FAM168A: variants seen among roughly 807,000 people sequenced by gnomAD.
FAM168A encodes protein FAM168A.
In FAM168A, 3 loss-of-function variants were observed where a neutral mutation model predicts 28.5. The observed-to-expected ratio is 0.11, with a 90% CI of 0.05 to 0.27. The LOEUF (loss-of-function observed/expected upper bound fraction) is 0.27, where lower values mean the gene tolerates loss of function less well. FAM168A is among the 10% of genes least tolerant of loss of function. The pLI is 1.00. For synonymous variants in FAM168A, 122 were observed against 124.2 expected, an observed-to-expected ratio of 0.98 and a Z score of 0.12; for missense variants, 222 against 311.5, an observed-to-expected ratio of 0.71 and a Z score of 2.16.
intron 3 of FAM168A, among the ~76,000 whole-genome samples, chr11:73,427,238 G>A (rs1044926106): frequency 2.0e-5 from 3 of 151,840 alleles, no homozygotes; most frequent in Admixed American, 2.0e-4. Context: ...TGATCCACCC[G>A]CCTCGGCCTC....
intron 1 of FAM168A, among the ~76,000 whole-genome samples, chr11:73,561,202 C>T (rs1317255987): frequency 1.3e-5 from 2 of 151,660 alleles, no homozygotes; most frequent in East Asian, 1.9e-4. Context: ...TGGAGAAATC[C>T]GTTTCTACTA....
rs112583556 is a variant in FAM168A at position 73,517,389 on chromosome 11, AC to A, written c.-18-48898del. Among the ~76,000 whole-genome samples the A allele has an allele frequency of 1.7e-4, 26 of 149,802 alleles. 1 individual carries two copies. Among genetic ancestry groups the A allele is most frequent in the African/African-American group, 6.2e-4 (25 of 40,624 alleles). ...AATCATCTCCCCCATCCCAATTTCC[AC>A]CCCCCTTCCCCTCATGCAGCTAGTC... is the stretch of plus-strand genomic sequence containing the variant. On this transcript the variant is annotated intron_variant, in intron 1 of 7. Coordinates refer to ENST00000356467, the MANE Select transcript of FAM168A (RefSeq NM_015159.3).
intron 1 of FAM168A, among the ~76,000 whole-genome samples, chr11:73,478,116 C>T (rs975463189): frequency 9.2e-5 from 14 of 152,154 alleles, no homozygotes; most frequent in Admixed American, 2.0e-4. Flanking sequence ...TATGGGAATG[C>T]TGCCATATTG....
intron 1 of FAM168A, among the ~76,000 whole-genome samples, chr11:73,544,423 C>G (rs1423164413): frequency 1.3e-5 from 2 of 151,796 alleles, no homozygotes; most frequent in Non-Finnish European, 2.9e-5. Context: ...CAACTCTACT[C>G]CTAGATGTAT....
chr11:73,445,130 A>C (rs1324528533), intron 2 of FAM168A, among the ~76,000 whole-genome samples: 2 of 152,028 alleles, frequency 1.3e-5, no homozygotes, highest in Non-Finnish European at 2.9e-5. Context: ...GTGGTGGTGC[A>C]TCCCTGTAAT....
intron 1 of FAM168A, among the ~76,000 whole-genome samples, chr11:73,565,288 A>G (rs56958961): frequency 0.012 from 1,791 of 152,278 alleles, 35 homozygotes; most frequent in African/African-American, 0.04. Context: ...TGCTCTTTCC[A>G]CTATATGCGT....
intron 1 of FAM168A, among the ~76,000 whole-genome samples, chr11:73,500,572 C>T (rs1251119229): frequency 6.6e-6 from 1 of 152,052 alleles, no homozygotes; most frequent in East Asian, 1.9e-4. Context: ...CCCAGAATTT[C>T]ATATCCAGCC....
chr11:73,482,020 A>G (rs1247146471), intron 1 of FAM168A, among the ~76,000 whole-genome samples: 1 of 152,132 alleles, frequency 6.6e-6, no homozygotes, highest in East Asian at 1.9e-4. Flanking sequence ...GTGCTGTCTT[A>G]GAAACAGAGA....
At chr11:73,533,808 T>A (rs1399815498) in intron 1 of FAM168A, among the ~76,000 whole-genome samples, 1 of 152,142 alleles carries the variant, frequency 6.6e-6, no homozygotes, top group African/African-American at 2.4e-5. Flanking sequence ...GGGAGAAAAT[T>A]CACTCAAAAC....
intron 1 of FAM168A, among the ~76,000 whole-genome samples, chr11:73,516,169 T>A (rs1188465399): frequency 3.3e-5 from 5 of 152,036 alleles, no homozygotes; most frequent in Admixed American, 3.3e-4. Context: ...TTTCTGGCTC[T>A]TTGGGGGAAC....
chr11:73,564,829 C>T (rs1944003684), intron 1 of FAM168A, among the ~76,000 whole-genome samples: 1 of 147,708 alleles, frequency 6.8e-6, no homozygotes, highest in Non-Finnish European at 1.5e-5. Flanking sequence ...AAGTGCCATA[C>T]AGCCAATACT....
At position 73,517,534 on chromosome 11, in the gene FAM168A, C is replaced by T. The variant is rs188389033; in HGVS notation, c.-18-49042G>A. Among the ~76,000 whole-genome samples the T allele has an allele frequency of 2.8e-3, 418 of 151,770 alleles. 1 individual carries two copies. Among genetic ancestry groups the T allele is most frequent in the Non-Finnish European group, 4.5e-3 (305 of 67,950 alleles). On this transcript the variant is annotated intron_variant, in intron 1 of 7. Transcript: ENST00000356467. Reference sequence around the variant, plus strand: ...TATTAACAGTGAAAGGGTACTGTTTCGGCGGGGGCGGGGGGTGGTTAATAC... The same window carrying T: ...TATTAACAGTGAAAGGGTACTGTTTTGGCGGGGGCGGGGGGTGGTTAATAC...
rs556359706 is a variant in FAM168A, at chr11:73,469,645, G to A, written c.-18-1153C>T. On this transcript the variant is annotated intron_variant, in intron 1 of 7. Coordinates refer to ENST00000356467, the MANE Select transcript of FAM168A (RefSeq NM_015159.3). ...GAGGACAGAATGTCCTAAAACATACGTAATGTGTAGCCCTGGCAAACTACC... is the reference window on the plus strand; with the variant it reads ...GAGGACAGAATGTCCTAAAACATACATAATGTGTAGCCCTGGCAAACTACC... 7.2e-5 allele frequency among the ~76,000 whole-genome samples: 11 copies of A among 152,264 alleles called. 1 individual carries two copies. The South Asian group carries it at 2.3e-3, about 32-fold the overall frequency.
chr11:73,595,685 C>T lies in FAM168A; in HGVS notation c.-19+2238G>A, dbSNP rs531413660. 5.9e-5 allele frequency among the ~76,000 whole-genome samples: 9 copies of T among 152,216 alleles called. No homozygotes were observed. The South Asian group carries it at 1.7e-3, about 28-fold the overall frequency. On this transcript the variant is annotated intron_variant, in intron 1 of 7. Transcript: ENST00000356467. Reference sequence around the variant, plus strand: ...ATGAGCATATCGCTAAGGTTTAAATCGAATTTCTGATGAATAGGTGGAGAT... The same window carrying T: ...ATGAGCATATCGCTAAGGTTTAAATTGAATTTCTGATGAATAGGTGGAGAT...
At chr11:73,592,900 ATAGGAC>A (rs1175165250) in intron 1 of FAM168A, among the ~76,000 whole-genome samples, 12 of 151,942 alleles carry the variant, frequency 7.9e-5, no homozygotes, top group African/African-American at 2.9e-4. Context: ...TTACTGGGTA[ATAGGAC>A]TAAAAACAAT....
intron 3 of FAM168A, among the ~76,000 whole-genome samples, chr11:73,425,478 T>C (rs924250079): frequency 6.6e-6 from 1 of 152,252 alleles, no homozygotes; most frequent in Admixed American, 6.5e-5. Flanking sequence ...CTCTAAGAGA[T>C]AGGACCAGTG....
intron 1 of FAM168A, among the ~76,000 whole-genome samples, chr11:73,484,289 C>G (rs1386814946): frequency 6.6e-6 from 1 of 151,964 alleles, no homozygotes; most frequent in Non-Finnish European, 1.5e-5. Flanking sequence ...AATAGCCCAG[C>G]CTATGAGGAA....
At chr11:73,475,491 G>C (rs1867875681) in intron 1 of FAM168A, among the ~76,000 whole-genome samples, 1 of 152,024 alleles carries the variant, frequency 6.6e-6, no homozygotes, top group Non-Finnish European at 1.5e-5. Flanking sequence ...GATTGTGTTT[G>C]CCCAAAAGAG....
intron 1 of FAM168A, among the ~76,000 whole-genome samples, chr11:73,570,453 A>T (rs1944072861): frequency 6.6e-6 from 1 of 152,162 alleles, no homozygotes. Flanking sequence ...TAAAAAGAAA[A>T]ATTTTAGACT....
Sources: allele counts gnomAD v4.1 joint callset (sites outside exome capture counted in the v4.1 genomes callset), GRCh38; gene constraint gnomAD v4.1.1; transcripts MANE v1.5; gene names NCBI Gene and HGNC (gene_info 2026-07-23, HGNC 2026-07-21).